The following CNTNAP5 variants were observed in gnomAD, a reference collection of about 807,000 sequenced individuals.
The protein encoded by CNTNAP5 is contactin associated protein family member 5, also known as contactin-associated protein-like 5.
A neutral mutation model predicts 150.2 loss-of-function variants in CNTNAP5; 72 were observed. The observed-to-expected ratio is 0.48, with a 90% CI of 0.40 to 0.58. CNTNAP5 has a LOEUF of 0.58. Among genes scored for constraint, CNTNAP5 ranks in the 20% least tolerant of loss-of-function variants. The pLI is 0.00. For synonymous variants in CNTNAP5, 672 were observed against 619.8 expected, an observed-to-expected ratio of 1.08 and a Z score of -1.25; for missense variants, 1,636 against 1,626.2, an observed-to-expected ratio of 1.01 and a Z score of -0.10.
At chr2:124,113,369 T>C (rs1419864749) in intron 1 of CNTNAP5, among the ~76,000 whole-genome samples, 2 of 152,160 alleles carry the variant, frequency 1.3e-5, no homozygotes, top group South Asian at 4.1e-4. Context: ...AAAAATTCTT[T>C]ATTGTACAAA....
chr2:124,470,260 A>C (rs1462963279), intron 6 of CNTNAP5, among the ~76,000 whole-genome samples: 1 of 152,176 alleles, frequency 6.6e-6, no homozygotes, highest in Non-Finnish European at 1.5e-5. Context: ...AATGATAGCC[A>C]TTCTGACTGG....
intron 11 of CNTNAP5, among the ~76,000 whole-genome samples, chr2:124,600,189 G>GTTT (rs35297517): frequency 9.6e-4 from 145 of 150,496 alleles, no homozygotes; most frequent in African/African-American, 3.3e-3. Flanking sequence ...ATAGTAAATG[G>GTTT]TTTTTTTTTT....
At chr2:124,472,118 C>T (rs1693531857) in intron 6 of CNTNAP5, among the ~76,000 whole-genome samples, 1 of 151,938 alleles carries the variant, frequency 6.6e-6, no homozygotes, top group Non-Finnish European at 1.5e-5. Context: ...TAATTTATTA[C>T]TTAAAATATG....
intron 10 of CNTNAP5, among the ~76,000 whole-genome samples, chr2:124,554,706 G>C (rs1695711584): frequency 4.6e-5 from 7 of 152,130 alleles, no homozygotes; most frequent in Admixed American, 4.6e-4. Context: ...ACAAGGGTGA[G>C]CCACTGAGCT....
intron 19 of CNTNAP5, among the ~76,000 whole-genome samples, chr2:124,861,510 C>T (rs936212564): frequency 3.9e-5 from 6 of 151,968 alleles, no homozygotes; most frequent in African/African-American, 1.4e-4. Flanking sequence ...ATCACTTGAA[C>T]CCAGGAGATG....
intron 12 of CNTNAP5, among the ~76,000 whole-genome samples, chr2:124,631,243 CA>C (rs572523769): frequency 4.3e-4 from 64 of 149,566 alleles, no homozygotes; most frequent in African/African-American, 8.1e-4. Context: ...CATATGGAAC[CA>C]AAAAAAAAGC....
chr2:124,847,900 T>A (rs1378680767), intron 19 of CNTNAP5, among the ~76,000 whole-genome samples: 1 of 152,174 alleles, frequency 6.6e-6, no homozygotes, highest in Non-Finnish European at 1.5e-5. Context: ...TTCCATAGAA[T>A]TTATAATTTT....
intron 12 of CNTNAP5, 108 bp downstream of exon 12, chr2:124,610,028 C>A (rs1573495136): frequency 2.4e-6 from 3 of 1,263,496 alleles, no homozygotes; most frequent in Non-Finnish European, 3.2e-6. Context: ...TTTGAAAGAC[C>A]AACTGGTCTC....
chr2:124,534,065 C>T (rs935574911), intron 10 of CNTNAP5, among the ~76,000 whole-genome samples: 5 of 152,024 alleles, frequency 3.3e-5, no homozygotes, highest in South Asian at 2.1e-4. Flanking sequence ...AAGTGAGATA[C>T]AAGGAGATAA....
At chr2:124,657,862 G>A (rs1303490526) in intron 13 of CNTNAP5, among the ~76,000 whole-genome samples, 7 of 152,246 alleles carry the variant, frequency 4.6e-5, no homozygotes, top group South Asian at 2.1e-4. Flanking sequence ...CTGATTTTAC[G>A]TACAACTAAA....
At chr2:124,724,794 C>T (rs1398750075) in intron 13 of CNTNAP5, among the ~76,000 whole-genome samples, 1 of 151,950 alleles carries the variant, frequency 6.6e-6, no homozygotes, top group Non-Finnish European at 1.5e-5. Flanking sequence ...CATGGGAAGA[C>T]AATGCTACTC....
intron 21 of CNTNAP5, among the ~76,000 whole-genome samples, chr2:124,895,493 G>C (rs1678285203): frequency 2.6e-5 from 4 of 151,520 alleles, no homozygotes; most frequent in Admixed American, 2.6e-4. Context: ...AGGTGTGGTG[G>C]CATGTGCCTG....
intron 13 of CNTNAP5, among the ~76,000 whole-genome samples, chr2:124,660,646 T>G (rs964025158): frequency 3.3e-5 from 5 of 151,932 alleles, no homozygotes; most frequent in Non-Finnish European, 7.4e-5. Flanking sequence ...TTGGGTGCGT[T>G]TTTTGCATTT....
chr2:124,477,058 A>G (rs1693658038), intron 7 of CNTNAP5, among the ~76,000 whole-genome samples: 5 of 152,060 alleles, frequency 3.3e-5, no homozygotes. Context: ...GAGATATTTT[A>G]GGTAAGTTTT....
At chr2:124,295,437 A>G (rs1688400554) in intron 3 of CNTNAP5, among the ~76,000 whole-genome samples, 1 of 152,238 alleles carries the variant, frequency 6.6e-6, no homozygotes, top group African/African-American at 2.4e-5. Flanking sequence ...TATTTGAGAA[A>G]TGAGTTAATT....
intron 7 of CNTNAP5, among the ~76,000 whole-genome samples, chr2:124,489,386 T>C (rs1328450972): frequency 6.6e-6 from 1 of 152,200 alleles, no homozygotes; most frequent in Non-Finnish European, 1.5e-5. Context: ...TGGGCATGTC[T>C]GTGTCCTAAT....
In CNTNAP5 at chr2:124,340,060, A is replaced by C. The variant is rs531596235; in HGVS notation, c.382-77383A>C. Among the ~76,000 whole-genome samples, 43 of 152,346 alleles carry C rather than the reference A, an allele frequency of 2.8e-4. No homozygotes were observed. The South Asian group carries it at 8.5e-3, about 30-fold the overall frequency. On this transcript the variant is annotated intron_variant, in intron 3 of 23. Transcript: ENST00000682447. Reference sequence around the variant, plus strand: ...TCCTGAGCAGTAAAGGATTATAGGAAGTATGTCCACAATTTCAGCAGAGTT... The same window carrying C: ...TCCTGAGCAGTAAAGGATTATAGGACGTATGTCCACAATTTCAGCAGAGTT...
At chr2:124,383,759 G>A (rs1344839689) in intron 3 of CNTNAP5, among the ~76,000 whole-genome samples, 5 of 152,002 alleles carry the variant, frequency 3.3e-5, no homozygotes, top group African/African-American at 7.3e-5. Context: ...CATAACTCTC[G>A]GGTTACAGCA....
At chr2:124,590,768 T>A (rs1006458182) in intron 11 of CNTNAP5, among the ~76,000 whole-genome samples, 1 of 152,198 alleles carries the variant, frequency 6.6e-6, no homozygotes, top group Non-Finnish European at 1.5e-5. Flanking sequence ...TAAAAATATG[T>A]ACTCAGCTTC....
Sources: allele counts gnomAD v4.1 joint callset (sites outside exome capture counted in the v4.1 genomes callset), GRCh38; gene constraint gnomAD v4.1.1; transcripts MANE v1.5; gene names NCBI Gene and HGNC (gene_info 2026-07-23, HGNC 2026-07-21).